CHODL: variants seen among roughly 807,000 people sequenced by gnomAD.
The protein encoded by CHODL is chondrolectin, also known as transmembrane protein MT75.
Under a neutral mutation model 34.5 loss-of-function variants are expected in CHODL, and 29 were observed. That is an observed-to-expected ratio of 0.84 (90% CI 0.63 to 1.15). CHODL has a LOEUF of 1.15. Ranked by LOEUF, CHODL falls within the 50% of genes most tolerant of loss-of-function variation. CHODL has a pLI of 0.00. For missense variants in CHODL, 332 were observed against 332.5 expected (o/e 1.00, Z 0.01); for synonymous variants, 125 against 116.1 (o/e 1.08, Z -0.49).
At chr21:17,975,890 AAAC>A (rs1315910772) in intron 1 of CHODL, among the ~76,000 whole-genome samples, 3 of 152,204 alleles carry the variant, frequency 2.0e-5, no homozygotes, top group Non-Finnish European at 2.9e-5. Flanking sequence ...TTAGAACCCA[AAAC>A]AACAAACCAA....
chr21:18,047,535 G>A (rs935149133), intron 2 of CHODL, among the ~76,000 whole-genome samples: 2 of 151,722 alleles, frequency 1.3e-5, no homozygotes, highest in African/African-American at 4.8e-5. Context: ...ATTATTTCTG[G>A]CTGAGCAGAG....
chr21:17,931,325 A>T (rs13046327), intron 1 of CHODL, among the ~76,000 whole-genome samples: 45,787 of 152,146 alleles, frequency 0.3, 8,442 homozygotes, highest in South Asian at 0.47. Context: ...TGCTAACAAG[A>T]AGTACACAAG....
At chr21:18,244,452 G>C (rs886537772), upstream of CHODL, among the ~76,000 whole-genome samples, 1 of 152,210 alleles carries the variant, frequency 6.6e-6, no homozygotes. Flanking sequence ...ATAGTGGCTA[G>C]TGCCCTGCAT....
At chr21:18,230,651 A>C (rs1601175171) in intron 2 of CHODL, among the ~76,000 whole-genome samples, 1 of 152,126 alleles carries the variant, frequency 6.6e-6, no homozygotes, top group African/African-American at 2.4e-5. Flanking sequence ...ATTTATGTCT[A>C]GTGGCATTTC....
Position 18,260,235 on chromosome 21 carries a change from C to A in CHODL, c.583C>A (p.Leu195Ile). Residue 195 changes from leucine to isoleucine, a missense_variant, in exon 4 of 6, where the codon CTT becomes ATT. Transcript: ENST00000299295. ...NPTAPVEKPY[L>I]TNQPGDTHQN... ...AACAGCCCCTGTAGAAAAGCCTTATCTTACAAATCAACCAGGAGACACCCA... is the reference window on the plus strand; with the variant it reads ...AACAGCCCCTGTAGAAAAGCCTTATATTACAAATCAACCAGGAGACACCCA... The A allele has an allele frequency of 6.3e-7, 1 of 1,581,758 alleles. No homozygotes were observed. The highest frequency in any genetic ancestry group is 8.6e-7 in the Non-Finnish European group (1 of 1,166,790).
At chr21:18,206,169 T>G (rs1161290359) in intron 2 of CHODL, among the ~76,000 whole-genome samples, 2 of 152,208 alleles carry the variant, frequency 1.3e-5, no homozygotes, top group African/African-American at 4.8e-5. Context: ...GTAGTGCAGA[T>G]TAAGTCCAAT....
Position 18,260,228 on chromosome 21 carries a change from G to A in CHODL, c.576G>A (p.Lys192=), listed in dbSNP as rs1295577786. The change falls in exon 4 of 6, where the codon AAG becomes AAA. Residue 192 remains lysine (K), a synonymous_variant. Coordinates refer to ENST00000299295, the MANE Select transcript of CHODL (RefSeq NM_024944.3). ...PEINPTAPVE[K]PYLTNQPGDT... ...TTAATCCAACAGCCCCTGTAGAAAA[G>A]CCTTATCTTACAAATCAACCAGGAG... 9 of 1,580,578 alleles carry A rather than the reference G, an allele frequency of 5.7e-6. No homozygotes were observed. The highest frequency in any genetic ancestry group is 7.7e-6 in the Non-Finnish European group (9 of 1,166,032).
intron 2 of CHODL, among the ~76,000 whole-genome samples, chr21:18,125,868 A>G (rs926887485): frequency 2.6e-5 from 4 of 152,208 alleles, no homozygotes; most frequent in Non-Finnish European, 4.4e-5. Flanking sequence ...AAAATTGATA[A>G]AGCAGCAGCA....
At chr21:18,215,166 A>C (rs2073812115) in intron 2 of CHODL, among the ~76,000 whole-genome samples, 1 of 151,930 alleles carries the variant, frequency 6.6e-6, no homozygotes, top group Non-Finnish European at 1.5e-5. Context: ...TAAAAGGAAG[A>C]GAGAACTCAG....
chr21:18,082,791 G>A (rs150408241), intron 2 of CHODL, among the ~76,000 whole-genome samples: 1,665 of 152,220 alleles, frequency 0.011, 14 homozygotes, highest in Non-Finnish European at 0.017. Flanking sequence ...TCAAGATGTG[G>A]CCTGGCTGCT....
chr21:18,137,387 G>A (rs1353923730), intron 2 of CHODL, among the ~76,000 whole-genome samples: 1 of 152,074 alleles, frequency 6.6e-6, no homozygotes, highest in African/African-American at 2.4e-5. Context: ...CAGGATAATG[G>A]ACAAGAATTA....
At chr21:18,251,783 C>G (rs1030171613) in intron 1 of CHODL, among the ~76,000 whole-genome samples, 1 of 125,394 alleles carries the variant, frequency 8.0e-6, no homozygotes, top group African/African-American at 3.1e-5. Flanking sequence ...TATTTATATA[C>G]TTTATATAAA....
chr21:17,972,438 G>A (rs1037348357), intron 1 of CHODL, among the ~76,000 whole-genome samples: 1 of 152,158 alleles, frequency 6.6e-6, no homozygotes, highest in South Asian at 2.1e-4. Context: ...AGCAACTTCA[G>A]CAAAGTCTCA....
intron 2 of CHODL, among the ~76,000 whole-genome samples, chr21:18,030,004 A>C (rs993222317): frequency 2.0e-5 from 3 of 152,036 alleles, no homozygotes; most frequent in African/African-American, 7.2e-5. Context: ...CAATTATGTA[A>C]GGTACTGGAG....
chr21:18,249,794 A>C (rs1290371790), intron 1 of CHODL, among the ~76,000 whole-genome samples: 1 of 152,194 alleles, frequency 6.6e-6, no homozygotes, highest in Non-Finnish European at 1.5e-5. Context: ...AAAACAGATA[A>C]GAGCACCTAT....
At chr21:17,930,992 T>A (rs1305958876) in intron 1 of CHODL, among the ~76,000 whole-genome samples, 1 of 152,194 alleles carries the variant, frequency 6.6e-6, no homozygotes, top group African/African-American at 2.4e-5. Flanking sequence ...AGTGTCTGCC[T>A]GAACTGAGAG....
intron 1 of CHODL, among the ~76,000 whole-genome samples, chr21:17,919,533 G>T (rs2063167755): frequency 6.6e-6 from 1 of 152,162 alleles, no homozygotes; most frequent in Non-Finnish European, 1.5e-5. Flanking sequence ...GTACACAGCA[G>T]AGGGACCCTA....
At chr21:17,966,050 A>G (rs1472275266) in intron 1 of CHODL, among the ~76,000 whole-genome samples, 1 of 151,788 alleles carries the variant, frequency 6.6e-6, no homozygotes, top group Non-Finnish European at 1.5e-5. Flanking sequence ...AAATATTTTA[A>G]TATTATATGT....
chr21:18,176,290 A>G (rs1015646022), intron 2 of CHODL, among the ~76,000 whole-genome samples: 1 of 152,224 alleles, frequency 6.6e-6, no homozygotes, highest in Admixed American at 6.5e-5. Flanking sequence ...TAGGTCCATT[A>G]TTAGGGATAC....
Sources: gnomAD v4.1 joint callset for allele counts (sites outside exome capture counted in the v4.1 genomes callset) on GRCh38, gnomAD v4.1.1 for gene constraint, MANE v1.5 for transcripts, NCBI Gene and HGNC (gene_info 2026-07-23, HGNC 2026-07-21) for gene names.